Variants in CAMK1D observed in about 807,000 individuals in gnomAD.
CAMK1D encodes calcium/calmodulin-dependent protein kinase type 1D.
In CAMK1D, 9 loss-of-function variants were observed where a neutral mutation model predicts 47.7. The observed-to-expected ratio is 0.19, with a 90% CI of 0.11 to 0.33. The LOEUF is 0.33. Ranked by LOEUF, CAMK1D falls within the 10% of genes least tolerant of loss-of-function variation. The probability of loss-of-function intolerance (pLI) is 1.00; values close to 1 mark genes in which losing one functional copy is unlikely to be tolerated. For missense variants in CAMK1D, 291 were observed against 488.7 expected, an observed-to-expected ratio of 0.60 and a Z score of 3.81; for synonymous variants, 184 against 184.9, an observed-to-expected ratio of 0.99 and a Z score of 0.04.
intron 1 of CAMK1D, among the ~76,000 whole-genome samples, chr10:12,545,453 TAA>T (rs59666684): frequency 0.14 from 7,208 of 51,910 alleles, 287 homozygotes; most frequent in East Asian, 0.15. Flanking sequence ...CATCTCACAG[TAA>T]AAAAAAAAAA....
chr10:12,743,346 C>CAAAAAAAAA (rs199673328), intron 3 of CAMK1D, among the ~76,000 whole-genome samples: 1 of 92,398 alleles, frequency 1.1e-5, no homozygotes, highest in African/African-American at 5.4e-5. Context: ...GACCCTGTCT[C>CAAAAAAAAA]AAAAAAAAAA....
intron 1 of CAMK1D, among the ~76,000 whole-genome samples, chr10:12,441,039 C>T (rs998555095): frequency 6.6e-6 from 1 of 152,242 alleles, no homozygotes; most frequent in Non-Finnish European, 1.5e-5. Flanking sequence ...TTTGAAAAAG[C>T]AGCCCTTGCT....
intron 3 of CAMK1D, among the ~76,000 whole-genome samples, chr10:12,732,053 C>T (rs1183473259): frequency 1.3e-5 from 2 of 152,086 alleles, no homozygotes; most frequent in Non-Finnish European, 2.9e-5. Context: ...AACAGCCTGA[C>T]CAGCATGGTG....
Position 12,429,519 on chromosome 10 carries a change from T to C in CAMK1D, c.92+79609T>C, listed in dbSNP as rs181834601. On this transcript the variant is annotated intron_variant, in intron 1 of 10. Transcript: ENST00000619168. ...CGTGCCTGGCTAATTTTTGTATTTT[T>C]AGTAGAGATGGGGTTTTACCATATT... Among the ~76,000 whole-genome samples the C allele has an allele frequency of 1.7e-3, 263 of 152,262 alleles. 2 individuals are homozygous for C. Among genetic ancestry groups the C allele is most frequent in the African/African-American group, 5.8e-3 (240 of 41,536 alleles).
At position 12,431,597 on chromosome 10, in the gene CAMK1D, C is replaced by T. The variant is rs116164989; in HGVS notation, c.92+81687C>T. On this transcript the variant is annotated intron_variant, in intron 1 of 10. Transcript: ENST00000619168. ...CAGGGAGATCCTTCAGAGCGCCTGCCTATCGTGGAGCACCTGAGGAACCCA... is the reference window on the plus strand; with the variant it reads ...CAGGGAGATCCTTCAGAGCGCCTGCTTATCGTGGAGCACCTGAGGAACCCA... Among the ~76,000 whole-genome samples, 276 of 152,308 alleles carry T rather than the reference C, an allele frequency of 1.8e-3. 2 individuals carry two copies. The highest frequency in any genetic ancestry group is 6.1e-3 in the African/African-American group (252 of 41,568).
chr10:12,406,440 G>T (rs563397416), intron 1 of CAMK1D, among the ~76,000 whole-genome samples: 2 of 151,988 alleles, frequency 1.3e-5, no homozygotes, highest in Non-Finnish European at 2.9e-5. Flanking sequence ...GCCAGATGTG[G>T]TGGCTCATGC....
chr10:12,715,856 C>T (rs770201515), intron 3 of CAMK1D, among the ~76,000 whole-genome samples: 19 of 151,096 alleles, frequency 1.3e-4, no homozygotes, highest in African/African-American at 4.1e-4. Context: ...ATTACAGGTG[C>T]GCGCCACGAT....
At chr10:12,434,350 G>A (rs1832568973) in intron 1 of CAMK1D, among the ~76,000 whole-genome samples, 1 of 152,140 alleles carries the variant, frequency 6.6e-6, no homozygotes, top group Admixed American at 6.5e-5. Context: ...CTCTGTAAAC[G>A]AGTGCCCTTC....
chr10:12,648,086 T>C (rs1839860182), intron 2 of CAMK1D, among the ~76,000 whole-genome samples: 2 of 152,232 alleles, frequency 1.3e-5, no homozygotes. Context: ...GGGTAGAACA[T>C]TCTTTATTGA....
chr10:12,758,843 A>T (rs1277754300), intron 3 of CAMK1D, among the ~76,000 whole-genome samples: 1 of 152,084 alleles, frequency 6.6e-6, no homozygotes, highest in Non-Finnish European at 1.5e-5. Context: ...TGCAGAGGAG[A>T]GGAGGCAGTA....
chr10:12,447,292 G>A (rs1832950776), intron 1 of CAMK1D, among the ~76,000 whole-genome samples: 1 of 152,208 alleles, frequency 6.6e-6, no homozygotes, highest in Non-Finnish European at 1.5e-5. Context: ...TCTTTCTGCA[G>A]AAACTCACCT....
At chr10:12,538,132 G>A (rs965441548) in intron 1 of CAMK1D, among the ~76,000 whole-genome samples, 9 of 152,220 alleles carry the variant, frequency 5.9e-5, no homozygotes, top group Admixed American at 5.9e-4. Flanking sequence ...GGCACCGTCA[G>A]CCACTAGCTG....
At chr10:12,431,288 G>A (rs1249484558) in intron 1 of CAMK1D, among the ~76,000 whole-genome samples, 2 of 152,156 alleles carry the variant, frequency 1.3e-5, no homozygotes, top group African/African-American at 2.4e-5. Flanking sequence ...GAAGCCTGGG[G>A]CTGTTTTTTG....
intron 3 of CAMK1D, among the ~76,000 whole-genome samples, chr10:12,691,214 G>A (rs1014713998): frequency 6.6e-6 from 1 of 151,774 alleles, no homozygotes; most frequent in South Asian, 2.1e-4. Flanking sequence ...GAGCTTTCTA[G>A]AAATTGGACT....
chr10:12,457,481 T>G (rs745473582), intron 1 of CAMK1D, among the ~76,000 whole-genome samples: 1 of 152,004 alleles, frequency 6.6e-6, no homozygotes, highest in Non-Finnish European at 1.5e-5. Flanking sequence ...TGGAGTATGC[T>G]GCTCTTTGTA....
At chr10:12,652,730 A>T (rs1016398744) in intron 2 of CAMK1D, among the ~76,000 whole-genome samples, 1 of 152,250 alleles carries the variant, frequency 6.6e-6, no homozygotes, top group African/African-American at 2.4e-5. Context: ...CCTTGATCAT[A>T]GTCTTTTATT....
Position 12,522,912 on chromosome 10 carries a change from C to T in CAMK1D, c.93-30313C>T, listed in dbSNP as rs1440441970. Among the ~76,000 whole-genome samples the T allele has an allele frequency of 4.3e-4, 34 of 78,424 alleles. 8 individuals are homozygous for T. Among genetic ancestry groups the T allele is most frequent in the African/African-American group, 1.5e-3 (29 of 19,348 alleles). 51.4% of individuals were successfully genotyped at this position (78,424 alleles called of 152,430 possible). ...CTCCCGGACGGGGCGGCTGGCCGGG[C>T]GGGGGCTGACCCCCCACCTGCCTCC... On this transcript the variant is annotated intron_variant, in intron 1 of 10. Coordinates refer to ENST00000619168, the MANE Select transcript of CAMK1D (RefSeq NM_153498.4).
chr10:12,406,675 A>T (rs929090508), intron 1 of CAMK1D, among the ~76,000 whole-genome samples: 1 of 143,526 alleles, frequency 7.0e-6, no homozygotes, highest in Non-Finnish European at 1.5e-5. Context: ...GTGAGCCAAG[A>T]TCACGCCACT....
intron 3 of CAMK1D, among the ~76,000 whole-genome samples, chr10:12,722,368 C>T (rs1343918876): frequency 6.9e-6 from 1 of 144,938 alleles, no homozygotes; most frequent in African/African-American, 2.6e-5. Flanking sequence ...ATGGTGTGAA[C>T]CCAGGAGGCA....
Sources: allele counts gnomAD v4.1 joint callset (sites outside exome capture counted in the v4.1 genomes callset), GRCh38; gene constraint gnomAD v4.1.1; transcripts MANE v1.5; gene names NCBI Gene and HGNC (gene_info 2026-07-23, HGNC 2026-07-21).